Variants in RETREG1 observed in about 807,000 individuals in gnomAD.
The protein encoded by RETREG1 is family with sequence similarity 134 member B.
A neutral mutation model predicts 54.8 loss-of-function variants in RETREG1; 44 were observed. The ratio of observed to expected loss-of-function variants is 0.80; its 90% confidence interval spans 0.63 to 1.03. The LOEUF (loss-of-function observed/expected upper bound fraction) is 1.03, where lower values mean the gene tolerates loss of function less well. Ranked by LOEUF, RETREG1 falls within the 50% of genes least tolerant of loss-of-function variation. RETREG1 has a pLI of 0.00. For missense variants in RETREG1, 554 were observed against 605.1 expected (o/e 0.92, Z 0.89); for synonymous variants, 217 against 238.5 (o/e 0.91, Z 0.83).
intron 1 of RETREG1, among the ~76,000 whole-genome samples, chr5:16,603,856 C>A (rs1027702582): frequency 7.2e-6 from 1 of 138,162 alleles, no homozygotes; most frequent in Non-Finnish European, 1.6e-5. Context: ...GGCCACCCAC[C>A]CCCCACCCGC....
At chr5:16,529,573 A>T (rs1301084673) in intron 3 of RETREG1, among the ~76,000 whole-genome samples, 2 of 152,228 alleles carry the variant, frequency 1.3e-5, no homozygotes, top group Non-Finnish European at 2.9e-5. Flanking sequence ...GTAATTTAAC[A>T]AATCAGAAAC....
intron 1 of RETREG1, among the ~76,000 whole-genome samples, chr5:16,602,016 A>G (rs1743068573): frequency 6.6e-6 from 1 of 152,180 alleles, no homozygotes; most frequent in Non-Finnish European, 1.5e-5. Context: ...CAAGCCAGAC[A>G]AGAAATCCAC....
Position 16,473,785 on chromosome 5 carries a change from CCT to C in RETREG1, c.*954_*955del, listed in dbSNP as rs1197976520. The C allele has an allele frequency of 6.6e-6, 1 of 152,120 alleles. No individual in the cohort carries two copies. The highest frequency in any genetic ancestry group is 1.5e-5 in the Non-Finnish European group (1 of 67,990). 9.4% of individuals were successfully genotyped at this position (152,120 alleles called of 1,614,324 possible). On this transcript the variant is annotated 3_prime_UTR_variant, in exon 9 of 9. Coordinates refer to ENST00000306320, the MANE Select transcript of RETREG1 (RefSeq NM_001034850.3). ...ATTTTAAAGCCAAGCAAGTTCCTCT[CCT>C]CTATACAGGCTAAGAAAACAGAGTT...
At chr5:16,481,167 A>G (rs1272347441) in intron 4 of RETREG1, 74 bp from the exon 5 acceptor site, 4 of 1,094,474 alleles carry the variant, frequency 3.7e-6, no homozygotes, top group Non-Finnish European at 5.6e-6. Flanking sequence ...ATACACACAC[A>G]ATTGTAAATC....
chr5:16,482,246 T>G (rs144288701), intron 4 of RETREG1, among the ~76,000 whole-genome samples: 1,781 of 152,110 alleles, frequency 0.012, 17 homozygotes, highest in Middle Eastern at 0.031. Flanking sequence ...AAAGCATTAC[T>G]ATATCCAGAA....
At chr5:16,525,401 A>G (rs145919989) in intron 3 of RETREG1, among the ~76,000 whole-genome samples, 34 of 152,244 alleles carry the variant, frequency 2.2e-4, no homozygotes, top group African/African-American at 7.9e-4. Flanking sequence ...CCCCGCCACG[A>G]AAGTGCAGCT....
chr5:16,521,909 A>G (rs1481180091), intron 3 of RETREG1, among the ~76,000 whole-genome samples: 1 of 152,208 alleles, frequency 6.6e-6, no homozygotes, highest in Admixed American at 6.5e-5. Flanking sequence ...GAAGTAAATC[A>G]TTATTTCCAT....
Position 16,597,834 on chromosome 5 carries a change from C to G in RETREG1, c.320+18818G>C, listed in dbSNP as rs1742945004. 6.6e-6 allele frequency among the ~76,000 whole-genome samples: 1 copy of G among 152,118 alleles called. No homozygotes were observed. The highest frequency in any genetic ancestry group is 1.5e-5 in the Non-Finnish European group (1 of 68,022). On this transcript the variant is annotated intron_variant, in intron 1 of 8. Transcript: ENST00000306320. The surrounding 1 kb of genome is among the most constrained non-coding windows in gnomAD (Gnocchi z 4.3). ...CTCCAGGCCTGAAAGAGGTCCCAGT[C>G]CTGGAACTAGTACCTAAGCCCCTGA...
chr5:16,603,336 G>C (rs959427964), intron 1 of RETREG1, among the ~76,000 whole-genome samples: 1 of 152,084 alleles, frequency 6.6e-6, no homozygotes, highest in Non-Finnish European at 1.5e-5. Context: ...TTTAAGATTA[G>C]AAAAACAAAC....
intron 8 of RETREG1, 41 bp downstream of exon 8, chr5:16,477,621 T>G: frequency 3.8e-6 from 6 of 1,589,892 alleles, no homozygotes; most frequent in Non-Finnish European, 5.2e-6. Flanking sequence ...TAGTTTTGTA[T>G]GCACTCATAA....
intron 1 of RETREG1, among the ~76,000 whole-genome samples, chr5:16,574,151 A>C (rs114816882): frequency 1.3e-5 from 2 of 152,090 alleles, no homozygotes; most frequent in Non-Finnish European, 2.9e-5. Flanking sequence ...TGAACCAAAG[A>C]TCAGACTCAG....
chr5:16,516,679 C>T (rs1740366287), intron 3 of RETREG1, among the ~76,000 whole-genome samples: 1 of 152,118 alleles, frequency 6.6e-6, no homozygotes, highest in Non-Finnish European at 1.5e-5. Context: ...CCCAATCAGG[C>T]TGTATTCCTG....
At chr5:16,491,533 T>G (rs995758117) in intron 3 of RETREG1, among the ~76,000 whole-genome samples, 4 of 152,228 alleles carry the variant, frequency 2.6e-5, no homozygotes, top group Non-Finnish European at 5.9e-5. Flanking sequence ...ATGTTTTTAA[T>G]TCACTTATCC....
chr5:16,587,025 C>T (rs1742642315), intron 1 of RETREG1, among the ~76,000 whole-genome samples: 1 of 152,158 alleles, frequency 6.6e-6, no homozygotes, highest in Non-Finnish European at 1.5e-5. Context: ...TAATCAGCTC[C>T]CAAAGGCTTC....
At chr5:16,532,224 A>C (rs564641805) in intron 3 of RETREG1, among the ~76,000 whole-genome samples, 2 of 152,302 alleles carry the variant, frequency 1.3e-5, no homozygotes, top group South Asian at 4.1e-4. Flanking sequence ...CTCAGCTGCT[A>C]GCGTTCAAAA....
At chr5:16,508,721 G>C in intron 3 of RETREG1, 1 of 1,405,588 alleles carries the variant, frequency 7.1e-7, no homozygotes, top group South Asian at 1.2e-5. Flanking sequence ...AATATCAGGA[G>C]GAAAAAAACC....
chr5:16,517,258 C>T (rs1027130061), intron 3 of RETREG1, among the ~76,000 whole-genome samples: 6 of 152,098 alleles, frequency 3.9e-5, no homozygotes, highest in Non-Finnish European at 7.3e-5. Context: ...CATTCCAAAT[C>T]GGCCAGGATG....
chr5:16,503,954 A>G (rs1739836915), intron 3 of RETREG1, among the ~76,000 whole-genome samples: 1 of 151,912 alleles, frequency 6.6e-6, no homozygotes. Flanking sequence ...GGTTTGTTAC[A>G]TAGGTAAAGG....
intron 3 of RETREG1, among the ~76,000 whole-genome samples, chr5:16,536,391 C>T (rs1054722725): frequency 2.6e-5 from 4 of 152,096 alleles, no homozygotes; most frequent in African/African-American, 9.7e-5. Context: ...CCAAACTTTA[C>T]GTCTGTGAAT....
Sources: gnomAD v4.1 joint callset for allele counts (sites outside exome capture counted in the v4.1 genomes callset) on GRCh38, gnomAD v4.1.1 for gene constraint, Gnocchi (gnomAD v3.1) non-coding constraint, MANE v1.5 for transcripts, NCBI Gene and HGNC (gene_info 2026-07-23, HGNC 2026-07-21) for gene names.